SDK1: variants seen among roughly 807,000 people sequenced by gnomAD.
SDK1 encodes protein sidekick-1.
A neutral mutation model predicts 245.5 loss-of-function variants in SDK1; 157 were observed. The observed-to-expected ratio is 0.64, with a 90% CI of 0.56 to 0.73. The LOEUF (loss-of-function observed/expected upper bound fraction) is 0.73. Ranked by LOEUF, SDK1 falls within the 30% of genes least tolerant of loss-of-function variation. SDK1 has a pLI of 0.00. For synonymous variants in SDK1, 1,647 were observed against 1,278.5 expected (o/e 1.29, Z -6.15); for missense variants, 3,583 against 3,002.3 (o/e 1.19, Z -4.52).
intron 3 of SDK1, among the ~76,000 whole-genome samples, chr7:3,639,938 C>A (rs1214047752): frequency 6.6e-6 from 1 of 152,158 alleles, no homozygotes; most frequent in African/African-American, 2.4e-5. Context: ...CAAGCTTGAA[C>A]TGGGCTCAAG....
chr7:4,061,081 T>C (rs992311939), intron 19 of SDK1, among the ~76,000 whole-genome samples: 6 of 152,210 alleles, frequency 3.9e-5, no homozygotes, highest in Admixed American at 6.5e-5. Flanking sequence ...AGCGTGATGC[T>C]TCCAGCTTTG....
chr7:3,580,984 A>AAAAAAAAAAAC lies in SDK1; in HGVS notation c.299-38095_299-38085dup, dbSNP rs1554292856. ...ACTCCATCTCAAAAAAAAAAAAAAAAAAAAAAAAAACCAAAACAAAACCCT... is the reference window on the plus strand; with the variant it reads ...ACTCCATCTCAAAAAAAAAAAAAAAAAAAAAAAAAACAAAAAAAAAACCAAAACAAAACCCT... On this transcript the variant is annotated intron_variant, in intron 1 of 44. Coordinates refer to ENST00000404826, the MANE Select transcript of SDK1 (RefSeq NM_152744.4). 7.2e-4 allele frequency among the ~76,000 whole-genome samples: 101 copies of AAAAAAAAAAAC among 139,440 alleles called. 5 individuals are homozygous for AAAAAAAAAAAC. The highest frequency in any genetic ancestry group is 2.7e-3 in the African/African-American group (100 of 37,596). 91.5% of individuals were successfully genotyped at this position (139,440 alleles called of 152,430 possible). A position where few individuals can be genotyped will look rare whatever the true frequency, so the allele number is the denominator to read the frequency against.
intron 1 of SDK1, among the ~76,000 whole-genome samples, chr7:3,504,496 A>G (rs901001064): frequency 1.3e-5 from 2 of 152,170 alleles, no homozygotes; most frequent in Admixed American, 6.5e-5. Context: ...TTGAGAATCT[A>G]GAAATCTTTA....
At chr7:3,865,248 G>A (rs1054651712) in intron 5 of SDK1, among the ~76,000 whole-genome samples, 47 of 152,308 alleles carry the variant, frequency 3.1e-4, no homozygotes, top group Admixed American at 6.5e-4. Context: ...GGGAGTGTGG[G>A]AGGCCTGGTG....
At chr7:3,497,156 G>A (rs1782049991) in intron 1 of SDK1, among the ~76,000 whole-genome samples, 1 of 152,144 alleles carries the variant, frequency 6.6e-6, no homozygotes, top group African/African-American at 2.4e-5. Context: ...ACTAAAAAGA[G>A]AAACTCTTTT....
At chr7:3,417,082 G>A (rs1779387462) in intron 1 of SDK1, among the ~76,000 whole-genome samples, 1 of 152,162 alleles carries the variant, frequency 6.6e-6, no homozygotes, top group Non-Finnish European at 1.5e-5. Flanking sequence ...GCTGAGGCAG[G>A]AGAATCCCCT....
chr7:4,245,190 C>G (rs1045515579), intron 43 of SDK1, among the ~76,000 whole-genome samples: 1 of 152,148 alleles, frequency 6.6e-6, no homozygotes, highest in Non-Finnish European at 1.5e-5. Context: ...GAATGCTCCC[C>G]CACCAGACAG....
chr7:3,779,163 A>G (rs923268712), intron 4 of SDK1, among the ~76,000 whole-genome samples: 4 of 152,244 alleles, frequency 2.6e-5, no homozygotes, highest in Non-Finnish European at 5.9e-5. Flanking sequence ...TAAACACACT[A>G]TCTTTAGGAC....
At chr7:4,235,409 C>T (rs780651281) in intron 41 of SDK1, among the ~76,000 whole-genome samples, 17 of 152,344 alleles carry the variant, frequency 1.1e-4, no homozygotes, top group Non-Finnish European at 1.9e-4. Flanking sequence ...AGTGATCCGC[C>T]TGCCTTGGCC....
At chr7:3,815,006 A>C (rs1346523196) in intron 4 of SDK1, among the ~76,000 whole-genome samples, 3 of 148,204 alleles carry the variant, frequency 2.0e-5, no homozygotes, top group Admixed American at 2.0e-4. Context: ...GCTTAAGGAG[A>C]TTTTGGGCTG....
intron 1 of SDK1, among the ~76,000 whole-genome samples, chr7:3,484,557 A>G (rs976538759): frequency 6.6e-6 from 1 of 152,202 alleles, no homozygotes; most frequent in African/African-American, 2.4e-5. Context: ...TTAACTGTAC[A>G]ATAGTTAACT....
chr7:4,122,562 T>C (rs1784137142), intron 25 of SDK1, among the ~76,000 whole-genome samples: 1 of 152,180 alleles, frequency 6.6e-6, no homozygotes, highest in African/African-American at 2.4e-5. Context: ...GTTTACAGTT[T>C]TGAAGTGCAG....
chr7:4,237,672 G>A lies in SDK1; in HGVS notation c.6018G>A (p.Glu2006=), dbSNP rs1660788603. 6.2e-7 allele frequency: 1 copy of A among 1,614,166 alleles called. No homozygotes were observed. The highest frequency in any genetic ancestry group is 8.5e-7 in the Non-Finnish European group (1 of 1,180,026). The change falls in exon 42 of 45, where the codon GAG becomes GAA. Residue 2006 remains glutamate, a synonymous_variant. Coordinates refer to ENST00000404826, the MANE Select transcript of SDK1 (RefSeq NM_152744.4). The stretch of plus-strand genomic sequence containing the variant: ...CTCAAGTGGAAGCCCCATTCTACGA[G>A]GAGTGGTGGTTCCTCCTGGTGATGG... ...VSAQVEAPFY[E]EWWFLLVMAL...
At chr7:3,708,716 G>T (rs113003859) in intron 4 of SDK1, among the ~76,000 whole-genome samples, 1,877 of 151,954 alleles carry the variant, frequency 0.012, 45 homozygotes, top group African/African-American at 0.043. Context: ...CCTCCCACCA[G>T]GCCCTCCATT....
intron 4 of SDK1, among the ~76,000 whole-genome samples, chr7:3,754,632 C>T (rs138418502): frequency 6.3e-4 from 90 of 143,856 alleles, no homozygotes; most frequent in African/African-American, 2.1e-3. Context: ...AAGTTCTCCC[C>T]GGATTGCTGA....
chr7:4,238,269 G>A (rs11978760), intron 42 of SDK1, among the ~76,000 whole-genome samples: 8,712 of 151,888 alleles, frequency 0.057, 833 homozygotes, highest in African/African-American at 0.2. Flanking sequence ...TAGTAGAGGC[G>A]GGGTTTCACC....
At chr7:3,738,163 A>G (rs902501646) in intron 4 of SDK1, among the ~76,000 whole-genome samples, 9 of 152,250 alleles carry the variant, frequency 5.9e-5, no homozygotes, top group African/African-American at 2.2e-4. Context: ...GTTTTATTGT[A>G]AGTGCTTTCA....
intron 4 of SDK1, among the ~76,000 whole-genome samples, chr7:3,759,248 C>A (rs974541809): frequency 2.6e-5 from 4 of 152,122 alleles, no homozygotes; most frequent in African/African-American, 7.2e-5. Flanking sequence ...TTTCTGAAGT[C>A]TAAATCCCAA....
intron 5 of SDK1, among the ~76,000 whole-genome samples, chr7:3,847,404 A>T (rs1411579549): frequency 6.6e-6 from 1 of 152,124 alleles, no homozygotes; most frequent in Non-Finnish European, 1.5e-5. Flanking sequence ...AAATAATTGT[A>T]ATTTATTTAG....
Sources: gnomAD v4.1 joint callset for allele counts (sites outside exome capture counted in the v4.1 genomes callset) on GRCh38, gnomAD v4.1.1 for gene constraint, MANE v1.5 for transcripts, NCBI Gene and HGNC (gene_info 2026-07-23, HGNC 2026-07-21) for gene names.